The following PSD3 variants were observed in gnomAD, a reference collection of about 807,000 sequenced individuals.
PSD3 encodes PH and SEC7 domain-containing protein 3.
PSD3 carries 49 observed loss-of-function variants against 105.5 expected under a neutral mutation model. The observed-to-expected ratio is 0.46, with a 90% CI of 0.37 to 0.59. The LOEUF (loss-of-function observed/expected upper bound fraction) is 0.59, where lower values mean the gene tolerates loss of function less well. PSD3 is among the 20% of genes least tolerant of loss of function. The pLI is 0.00. For synonymous variants in PSD3, 557 were observed against 457.8 expected (o/e 1.22, Z -2.77); for missense variants, 1,561 against 1,263.8 (o/e 1.24, Z -3.57).
At chr8:18,820,392 G>C (rs552332928) in intron 4 of PSD3, among the ~76,000 whole-genome samples, 1 of 152,022 alleles carries the variant, frequency 6.6e-6, no homozygotes, top group South Asian at 2.1e-4. Flanking sequence ...TCATCCCTTG[G>C]TATCTGTGGG....
At chr8:18,748,099 T>C (rs1469108488) in intron 9 of PSD3, among the ~76,000 whole-genome samples, 2 of 152,162 alleles carry the variant, frequency 1.3e-5, no homozygotes, top group East Asian at 3.9e-4. Context: ...TTTAATCCTA[T>C]TTCTCATATG....
intron 1 of PSD3, among the ~76,000 whole-genome samples, chr8:18,987,877 C>T (rs1194546427): frequency 1.3e-5 from 2 of 152,022 alleles, no homozygotes; most frequent in African/African-American, 4.8e-5. Context: ...ATTACATAAT[C>T]TAAATCTGAG....
chr8:18,834,076 T>C (rs1813898122), intron 4 of PSD3, among the ~76,000 whole-genome samples: 1 of 152,184 alleles, frequency 6.6e-6, no homozygotes, highest in African/African-American at 2.4e-5. Context: ...ATAAACACTA[T>C]GCTCCTGCAA....
At chr8:18,803,287 C>CGA (rs745364289) in intron 6 of PSD3, 1 of 51,190 alleles carries the variant, frequency 2.0e-5, no homozygotes, top group Non-Finnish European at 3.2e-5. Context: ...ACTCTGTCTC[C>CGA]AAAAAAAAAA....
At chr8:18,725,835 G>C (rs1035867941) in intron 9 of PSD3, among the ~76,000 whole-genome samples, 1 of 152,008 alleles carries the variant, frequency 6.6e-6, no homozygotes. Flanking sequence ...TAAAAGAGAG[G>C]GGAAGCAAAA....
intron 14 of PSD3, among the ~76,000 whole-genome samples, chr8:18,568,286 TC>T (rs1563330684): frequency 6.8e-6 from 1 of 147,426 alleles, no homozygotes; most frequent in Non-Finnish European, 1.5e-5. Flanking sequence ...TGGAACCTTT[TC>T]CCCCCTTTCT....
At chr8:18,820,384 A>C (rs1351386389) in intron 4 of PSD3, among the ~76,000 whole-genome samples, 1 of 152,168 alleles carries the variant, frequency 6.6e-6, no homozygotes, top group Non-Finnish European at 1.5e-5. Context: ...TAGTACTGTC[A>C]TCCCTTGGTA....
At chr8:18,996,344 T>C (rs1261579845) in intron 1 of PSD3, among the ~76,000 whole-genome samples, 2 of 151,916 alleles carry the variant, frequency 1.3e-5, no homozygotes, top group East Asian at 1.9e-4. Flanking sequence ...TCCATGCATA[T>C]TGCATAACTA....
intron 2 of PSD3, among the ~76,000 whole-genome samples, chr8:18,908,179 T>G (rs1203304938): frequency 6.6e-6 from 1 of 152,170 alleles, no homozygotes; most frequent in Non-Finnish European, 1.5e-5. Context: ...CCTTTCAGAA[T>G]GAATGATTGG....
chr8:18,666,951 C>G (rs562612408), intron 9 of PSD3, among the ~76,000 whole-genome samples: 19 of 152,264 alleles, frequency 1.2e-4, no homozygotes, highest in African/African-American at 4.6e-4. Flanking sequence ...TTAAAGGAGA[C>G]GTGTCCGCAG....
chr8:18,662,793 T>G (rs1809455050), intron 9 of PSD3, among the ~76,000 whole-genome samples: 1 of 152,246 alleles, frequency 6.6e-6, no homozygotes, highest in Admixed American at 6.5e-5. Flanking sequence ...AAATATTTTT[T>G]GCCATGGTTT....
chr8:18,947,792 C>T (rs1004176705), intron 1 of PSD3, among the ~76,000 whole-genome samples: 4 of 152,152 alleles, frequency 2.6e-5, no homozygotes, highest in Non-Finnish European at 5.9e-5. Context: ...TCATAATACC[C>T]GAGGGCTTCT....
At chr8:18,785,531 C>T (rs945123381) in intron 8 of PSD3, among the ~76,000 whole-genome samples, 2 of 152,204 alleles carry the variant, frequency 1.3e-5, no homozygotes, top group Non-Finnish European at 2.9e-5. Flanking sequence ...CCTATCTACA[C>T]CACCAAAACT....
At chr8:18,607,683 C>CAGAAAAA (rs1804945855) in intron 11 of PSD3, among the ~76,000 whole-genome samples, 1 of 81,332 alleles carries the variant, frequency 1.2e-5, no homozygotes, top group Non-Finnish European at 2.2e-5. Context: ...TCCACTGCTA[C>CAGAAAAA]AAAAAAAAAA....
chr8:18,634,261 C>CT (rs906011003), intron 10 of PSD3, among the ~76,000 whole-genome samples: 7 of 151,746 alleles, frequency 4.6e-5, no homozygotes, highest in South Asian at 2.1e-4. Context: ...GAAAAACAGC[C>CT]TTTTTTTTCT....
At chr8:18,947,300 C>T (rs376621377) in intron 1 of PSD3, among the ~76,000 whole-genome samples, 87 of 152,314 alleles carry the variant, frequency 5.7e-4, no homozygotes, top group African/African-American at 1.5e-3. Flanking sequence ...AGGGAGAAGA[C>T]GTCGGCAAAA....
At position 18,811,137 on chromosome 8, in the gene PSD3, G is replaced by A. The variant is rs144035183; in HGVS notation, c.1635-6239C>T. Among the ~76,000 whole-genome samples, 42 of 152,274 alleles carry A rather than the reference G, an allele frequency of 2.8e-4. 2 individuals are homozygous for A. The East Asian group carries it at 7.7e-3, about 28-fold the overall frequency. On this transcript the variant is annotated intron_variant, in intron 4 of 15. Coordinates refer to ENST00000327040, the MANE Select transcript of PSD3 (RefSeq NM_015310.4). ...AACCTAATAGGTTAACAATGGTTAG[G>A]CATTTACTATGTGCCAGCCTCTGGG... is the stretch of plus-strand genomic sequence containing the variant.
rs141650647 is a variant in PSD3, at chr8:19,023,393, C to CTATTTATT, written c.324+60805_324+60812dup. 4.8e-3 allele frequency among the ~76,000 whole-genome samples: 698 copies of CTATTTATT among 145,084 alleles called. 3 individuals are homozygous for CTATTTATT. The highest frequency in any genetic ancestry group is 7.7e-3 in the East Asian group (37 of 4,792). ...AGTTAGTGGCTACTGAATATAGCCA[C>CTATTTATT]TATTTATTTATTTATTTATTTATTT... On this transcript the variant is annotated intron_variant, in intron 1 of 1. Transcript: ENST00000521475.
At chr8:18,654,501 A>T (rs1808745021) in intron 10 of PSD3, among the ~76,000 whole-genome samples, 1 of 152,180 alleles carries the variant, frequency 6.6e-6, no homozygotes, top group African/African-American at 2.4e-5. Context: ...TGTGATTAAA[A>T]ATTTCATATT....
Sources: allele counts gnomAD v4.1 joint callset (sites outside exome capture counted in the v4.1 genomes callset), GRCh38; gene constraint gnomAD v4.1.1; transcripts MANE v1.5; gene names NCBI Gene and HGNC (gene_info 2026-07-23, HGNC 2026-07-21).